Variants in NFIA observed in about 807,000 individuals in gnomAD.
NFIA encodes the protein nuclear factor 1 A-type.
In NFIA, 8 loss-of-function variants were observed where a neutral mutation model predicts 62.8. The observed-to-expected ratio is 0.13, with a 90% CI of 0.07 to 0.23. The LOEUF is 0.23. NFIA is among the 10% of genes least tolerant of loss of function. The probability of loss-of-function intolerance (pLI) is 1.00; values close to 1 mark genes in which losing one functional copy is unlikely to be tolerated. For synonymous variants in NFIA, 235 were observed against 238.1 expected (o/e 0.99, Z 0.12); for missense variants, 410 against 642.1 (o/e 0.64, Z 3.91).
intron 4 of NFIA, among the ~76,000 whole-genome samples, chr1:61,335,606 G>A (rs903053754): frequency 6.6e-6 from 1 of 152,180 alleles, no homozygotes; most frequent in Non-Finnish European, 1.5e-5. Context: ...ACTTTGGGAG[G>A]CCAAGGCGGG....
chr1:61,148,929 A>G (rs1490498847), intron 2 of NFIA, among the ~76,000 whole-genome samples: 1 of 152,114 alleles, frequency 6.6e-6, no homozygotes, highest in African/African-American at 2.4e-5. Context: ...CTGGAGTGCA[A>G]TGGCACGATC....
intron 7 of NFIA, among the ~76,000 whole-genome samples, chr1:61,389,345 C>T (rs1024242427): frequency 5.9e-5 from 9 of 152,202 alleles, no homozygotes; most frequent in Non-Finnish European, 1.0e-4. Flanking sequence ...GGATCTTCTG[C>T]AGCACAATCA....
intron 10 of NFIA, among the ~76,000 whole-genome samples, chr1:61,440,236 A>G (rs1039228075): frequency 5.3e-5 from 8 of 152,236 alleles, no homozygotes; most frequent in African/African-American, 1.9e-4. Flanking sequence ...CATTTCTACC[A>G]CTGGCAGTCA....
At chr1:61,302,924 C>G (rs1659567993) in intron 3 of NFIA, among the ~76,000 whole-genome samples, 1 of 152,162 alleles carries the variant, frequency 6.6e-6, no homozygotes, top group Non-Finnish European at 1.5e-5. Context: ...AACCTGTTCT[C>G]AGAAAGGGAA....
At chr1:61,134,286 G>A (rs1049007537) in intron 2 of NFIA, among the ~76,000 whole-genome samples, 7 of 121,568 alleles carry the variant, frequency 5.8e-5, no homozygotes, top group Non-Finnish European at 1.1e-4. Flanking sequence ...GTGTGTGTGT[G>A]TACAGAAAAT....
intron 10 of NFIA, among the ~76,000 whole-genome samples, chr1:61,441,451 T>C (rs991933605): frequency 6.6e-6 from 1 of 152,080 alleles, no homozygotes; most frequent in Admixed American, 6.5e-5. Context: ...AAAATTCCCA[T>C]CTACCTTCAC....
intron 10 of NFIA, among the ~76,000 whole-genome samples, chr1:61,434,452 C>G (rs1426171499): frequency 6.6e-6 from 1 of 152,170 alleles, no homozygotes; most frequent in East Asian, 1.9e-4. Context: ...GCGGCTGACT[C>G]ACTGACAGGC....
rs183114746 is a variant in NFIA, at chr1:61,088,902, T to A, written c.559+222T>A. Among the ~76,000 whole-genome samples, 1 of 152,326 alleles carries A rather than the reference T, an allele frequency of 6.6e-6. No homozygotes were observed. The highest frequency in any genetic ancestry group is 1.9e-4 in the East Asian group (1 of 5,184). On this transcript the variant is annotated intron_variant, in intron 2 of 10. Coordinates refer to ENST00000403491, the MANE Select transcript of NFIA (RefSeq NM_001134673.4). This position sits in a 1 kb window ranked among gnomAD's most constrained non-coding sequence, Gnocchi z 4.5. ...TTCAGCTCTTTTGGTAAGTAGTGTT[T>A]TCAGAGGCGTTGGTAATCAGATATG... is the stretch of plus-strand genomic sequence containing the variant.
At chr1:61,387,477 T>TTTTTTTTG (rs1664758534) in intron 7 of NFIA, among the ~76,000 whole-genome samples, 1 of 130,664 alleles carries the variant, frequency 7.7e-6, no homozygotes, top group Non-Finnish European at 1.6e-5. Context: ...TCTTTTTTTT[T>TTTTTTTTG]TTTTTTTTTT....
At position 61,082,699 on chromosome 1, in the gene NFIA, CCTCTCTCCCTCTTT is replaced by C; in HGVS notation, c.-89_-76del. 1 of 1,517,378 alleles carries C rather than the reference CCTCTCTCCCTCTTT, an allele frequency of 6.6e-7. No homozygotes were observed. The highest frequency in any genetic ancestry group is 1.2e-5 in the South Asian group (1 of 81,820). The allele number at this position is 1,517,378 out of a possible 1,614,324, so 94.0% of individuals were successfully genotyped here. On this transcript the variant is annotated 5_prime_UTR_variant, in exon 1 of 11. Coordinates refer to ENST00000403491, the MANE Select transcript of NFIA (RefSeq NM_001134673.4). ...CTCTCTCTCTCTCTCTCTCTCTCTT[CCTCTCTCCCTCTTT>C]CTCCTCTCTCACCCACACTCACGCA... is the stretch of plus-strand genomic sequence containing the variant.
At chr1:61,130,755 T>A (rs1478565209) in intron 2 of NFIA, among the ~76,000 whole-genome samples, 1 of 152,216 alleles carries the variant, frequency 6.6e-6, no homozygotes, top group Non-Finnish European at 1.5e-5. Flanking sequence ...ACTCAAATAG[T>A]TTGTTTCCAT....
At position 61,184,145 on chromosome 1, in the gene NFIA, C is replaced by CAA. The variant is rs367690800; in HGVS notation, c.560-93369_560-93368dup. Among the ~76,000 whole-genome samples, 5 of 142,766 alleles carry CAA rather than the reference C, an allele frequency of 3.5e-5. 1 individual carries two copies. The highest frequency in any genetic ancestry group is 2.8e-4 in the Admixed American group (4 of 14,128). 93.7% of individuals were successfully genotyped at this position (142,766 alleles called of 152,430 possible). A position where few individuals can be genotyped will look rare whatever the true frequency, so the allele number is the denominator to read the frequency against. Reference sequence around the variant, plus strand: ...AAAACCAAAAAAAAAAAAAAAAACCCAAAAAAACAAAACAAAACAAAAAAC... The same window carrying CAA: ...AAAACCAAAAAAAAAAAAAAAAACCCAAAAAAAAACAAAACAAAACAAAAAAC... On this transcript the variant is annotated intron_variant, in intron 2 of 10. Transcript: ENST00000403491.
intron 2 of NFIA, among the ~76,000 whole-genome samples, chr1:61,260,098 C>T (rs1656663579): frequency 6.6e-6 from 1 of 152,178 alleles, no homozygotes; most frequent in Non-Finnish European, 1.5e-5. Context: ...TGTGTTCACT[C>T]AAGGCACAGG....
intron 2 of NFIA, among the ~76,000 whole-genome samples, chr1:61,214,796 ATACT>A (rs1444568276): frequency 6.6e-6 from 1 of 152,226 alleles, no homozygotes; most frequent in Non-Finnish European, 1.5e-5. Flanking sequence ...TTGTAAGTAC[ATACT>A]TTGTTTACTA....
intron 2 of NFIA, among the ~76,000 whole-genome samples, chr1:61,138,306 G>C (rs1407716757): frequency 1.3e-5 from 2 of 152,106 alleles, no homozygotes; most frequent in Non-Finnish European, 2.9e-5. Context: ...ATGTTGCCCA[G>C]GCTGGTTGCA....
intron 9 of NFIA, among the ~76,000 whole-genome samples, chr1:61,414,406 C>G (rs1363817959): frequency 6.6e-6 from 1 of 152,232 alleles, no homozygotes; most frequent in South Asian, 2.1e-4. Flanking sequence ...GTAACTTTCT[C>G]AAGGTCATTC....
At chr1:61,415,912 A>C (rs910128887) in intron 9 of NFIA, among the ~76,000 whole-genome samples, 3 of 152,176 alleles carry the variant, frequency 2.0e-5, no homozygotes, top group African/African-American at 7.2e-5. Flanking sequence ...TTACAATAAG[A>C]GACTGGTAAT....
intron 5 of NFIA, among the ~76,000 whole-genome samples, chr1:61,354,917 A>G (rs1194703565): frequency 6.6e-6 from 1 of 152,136 alleles, no homozygotes; most frequent in Non-Finnish European, 1.5e-5. Flanking sequence ...CGTCCTTGGC[A>G]CCATGGGTGT....
chr1:61,442,123 A>G (rs2100576026), intron 10 of NFIA, among the ~76,000 whole-genome samples: 1 of 152,274 alleles, frequency 6.6e-6, no homozygotes, highest in South Asian at 2.1e-4. Context: ...AGAAGCAGGC[A>G]CGGAATGAAG....
Sources: gnomAD v4.1 joint callset for allele counts (sites outside exome capture counted in the v4.1 genomes callset) on GRCh38, gnomAD v4.1.1 for gene constraint, Gnocchi (gnomAD v3.1) non-coding constraint, MANE v1.5 for transcripts, NCBI Gene and HGNC (gene_info 2026-07-23, HGNC 2026-07-21) for gene names.